Variants in SGIP1 observed in about 807,000 individuals in gnomAD.
The protein encoded by SGIP1 is SH3-containing GRB2-like protein 3-interacting protein 1.
A neutral mutation model predicts 107.5 loss-of-function variants in SGIP1; 38 were observed. That is an observed-to-expected ratio of 0.35 (90% CI 0.27 to 0.46). SGIP1 has a LOEUF of 0.46. Ranked by LOEUF, SGIP1 falls within the 20% of genes least tolerant of loss-of-function variation. SGIP1 has a pLI of 1.00. For synonymous variants in SGIP1, 365 were observed against 366.1 expected (o/e 1.00, Z 0.03); for missense variants, 929 against 1,019.5 (o/e 0.91, Z 1.21).
Position 66,748,224 on chromosome 1 carries a change from C to T in SGIP1, c.*5129C>T, listed in dbSNP as rs1353865963. ...GGCTACCATTAATGTTCCTTTTTGTCAGTGGAGTGTATGGAAGGAAAATGA... is the reference window on the plus strand; with the variant it reads ...GGCTACCATTAATGTTCCTTTTTGTTAGTGGAGTGTATGGAAGGAAAATGA... On this transcript the variant is annotated 3_prime_UTR_variant, in exon 25 of 25. Transcript: ENST00000371037. 2.0e-5 allele frequency: 3 copies of T among 151,740 alleles called. No homozygotes were observed. Among genetic ancestry groups the T allele is most frequent in the Admixed American group, 1.3e-4 (2 of 15,242 alleles). 9.4% of individuals were successfully genotyped at this position (151,740 alleles called of 1,614,324 possible). A position where few individuals can be genotyped will look rare whatever the true frequency, so the allele number is the denominator to read the frequency against.
chr1:66,576,276 T>A (rs1478506532), intron 1 of SGIP1, among the ~76,000 whole-genome samples: 1 of 152,184 alleles, frequency 6.6e-6, no homozygotes, highest in Non-Finnish European at 1.5e-5. Flanking sequence ...GGAAAATCTG[T>A]CTTTCCTGTG....
chr1:66,573,945 T>G (rs536302626), intron 1 of SGIP1, among the ~76,000 whole-genome samples: 1 of 152,286 alleles, frequency 6.6e-6, no homozygotes, highest in East Asian at 1.9e-4. Flanking sequence ...TAAAGCTGGT[T>G]TATTTTTAAG....
rs762153529 is a variant in SGIP1 at position 66,733,900 on chromosome 1, C to G, written c.2031+20C>G. 6.2e-7 allele frequency: 1 copy of G among 1,605,644 alleles called. No homozygotes were observed. Among genetic ancestry groups the G allele is most frequent in the Non-Finnish European group, 8.5e-7 (1 of 1,175,708 alleles). On this transcript the variant is annotated intron_variant, in intron 21 of 24. Coordinates refer to ENST00000371037, the MANE Select transcript of SGIP1 (RefSeq NM_032291.4). Reference sequence around the variant, plus strand: ...TATCAGGTAAGCCTATTTACATGATCGGTATCTCTTCCACATGACATATTT... The same window carrying G: ...TATCAGGTAAGCCTATTTACATGATGGGTATCTCTTCCACATGACATATTT...
At chr1:66,660,886 G>T (rs771650494) in intron 8 of SGIP1, among the ~76,000 whole-genome samples, 1 of 152,198 alleles carries the variant, frequency 6.6e-6, no homozygotes, top group Non-Finnish European at 1.5e-5. Flanking sequence ...TGTTTTATAA[G>T]TTAATTTTTG....
At position 66,741,370 on chromosome 1, in the gene SGIP1, G is replaced by A; in HGVS notation, c.2398G>A (p.Gly800Ser). 6.2e-7 allele frequency: 1 copy of A among 1,611,506 alleles called. No homozygotes were observed. Among genetic ancestry groups the A allele is most frequent in the Non-Finnish European group, 8.5e-7 (1 of 1,178,568 alleles). ...CACAAGTGAAGGAAGCACCCTTTCT[G>A]GCTGTGACATTGAACTTGTTGGAGC... is the stretch of plus-strand genomic sequence containing the variant. ...QFTSEGSTLS[G>S]CDIELVGAGY... is the part of the protein sequence containing the mutation. The change falls in exon 24 of 25, where the codon GGC becomes AGC. Residue 800 changes from glycine (G) to serine (S), a missense_variant. By Grantham distance (56) the Gly-to-Ser change is moderately conservative. Around this residue, in one of 2 missense-constraint regions of SGIP1, gnomAD observed 341 missense variants for 430.9 expected, o/e 0.79. Transcript: ENST00000371037.
At position 66,594,853 on chromosome 1, in the gene SGIP1, G is replaced by A. The variant is rs149237005; in HGVS notation, c.11-30994G>A. Among the ~76,000 whole-genome samples the A allele has an allele frequency of 2.2e-4, 34 of 152,230 alleles. No homozygotes were observed. In the East Asian group the frequency reaches 2.7e-3, roughly 12 times the overall value. ...ATTGTGGGAGACTTAATGAGGTAATGTATAGAAAATGCATTACCACTCTGC... is the reference window on the plus strand; with the variant it reads ...ATTGTGGGAGACTTAATGAGGTAATATATAGAAAATGCATTACCACTCTGC... On this transcript the variant is annotated intron_variant, in intron 1 of 24. Transcript: ENST00000371037.
chr1:66,639,220 A>C (rs1212396268), intron 4 of SGIP1, among the ~76,000 whole-genome samples: 1 of 152,226 alleles, frequency 6.6e-6, no homozygotes, highest in Non-Finnish European at 1.5e-5. Context: ...ATTTGAAAAA[A>C]ACATTATTTT....
chr1:66,689,679 G>A (rs1020608399), intron 16 of SGIP1, among the ~76,000 whole-genome samples: 28 of 152,356 alleles, frequency 1.8e-4, no homozygotes, highest in African/African-American at 6.3e-4. Flanking sequence ...CAGTGAAGGA[G>A]TGGTGGCTTG....
chr1:66,592,798 T>C (rs2063859193), intron 1 of SGIP1, among the ~76,000 whole-genome samples: 1 of 152,112 alleles, frequency 6.6e-6, no homozygotes, highest in Admixed American at 6.5e-5. Context: ...TCTTCATAGT[T>C]TTACTTTTTC....
intron 1 of SGIP1, among the ~76,000 whole-genome samples, chr1:66,557,801 C>G (rs1245699481): frequency 6.6e-6 from 1 of 152,118 alleles, no homozygotes; most frequent in African/African-American, 2.4e-5. Flanking sequence ...TTGTGCCACA[C>G]CTGAAATTAA....
chr1:66,684,815 G>A (rs752390303), intron 15 of SGIP1, among the ~76,000 whole-genome samples: 1 of 152,280 alleles, frequency 6.6e-6, no homozygotes, highest in South Asian at 2.1e-4. Context: ...GTTTTGTTGT[G>A]ATTTTAATGT....
intron 18 of SGIP1, among the ~76,000 whole-genome samples, chr1:66,701,896 A>T (rs180800494): frequency 1.6e-4 from 24 of 152,348 alleles, no homozygotes; most frequent in African/African-American, 4.8e-4. Flanking sequence ...TACAGAATTC[A>T]TGTTAGAATT....
chr1:66,602,793 TA>T (rs1293664061), intron 1 of SGIP1, among the ~76,000 whole-genome samples: 1 of 152,154 alleles, frequency 6.6e-6, no homozygotes, highest in East Asian at 1.9e-4. Flanking sequence ...ACTAGATGTC[TA>T]AAAAGAGAGA....
intron 5 of SGIP1, among the ~76,000 whole-genome samples, chr1:66,641,920 TC>T (rs752972426): frequency 1.4e-4 from 22 of 152,150 alleles, no homozygotes; most frequent in Admixed American, 4.6e-4. Context: ...GAACCAGCAA[TC>T]CATCCTTTCA....
At chr1:66,713,319 T>C (rs2093033270) in intron 18 of SGIP1, among the ~76,000 whole-genome samples, 1 of 152,184 alleles carries the variant, frequency 6.6e-6, no homozygotes, top group Admixed American at 6.5e-5. Context: ...ATAGAAATTT[T>C]CATTGCTACT....
intron 1 of SGIP1, among the ~76,000 whole-genome samples, chr1:66,566,874 CT>C (rs1357728334): frequency 6.6e-6 from 1 of 151,900 alleles, no homozygotes; most frequent in African/African-American, 2.4e-5. Context: ...CCCCCACCCC[CT>C]AACAGGGTCC....
chr1:66,599,680 G>A (rs940037850), intron 1 of SGIP1, among the ~76,000 whole-genome samples: 3 of 152,150 alleles, frequency 2.0e-5, no homozygotes, highest in Non-Finnish European at 4.4e-5. Flanking sequence ...TTGAGTATAC[G>A]AGGAAAATGT....
intron 4 of SGIP1, among the ~76,000 whole-genome samples, chr1:66,639,177 A>C (rs999659056): frequency 5.9e-5 from 9 of 152,218 alleles, no homozygotes; most frequent in African/African-American, 2.2e-4. Flanking sequence ...ATTAATCCTC[A>C]AATTCTATTT....
At chr1:66,599,273 A>T (rs898671449) in intron 1 of SGIP1, among the ~76,000 whole-genome samples, 1 of 152,208 alleles carries the variant, frequency 6.6e-6, no homozygotes, top group Non-Finnish European at 1.5e-5. Context: ...GGCATAGGGG[A>T]GCATATTTCA....
Sources: gnomAD v4.1 joint callset for allele counts (sites outside exome capture counted in the v4.1 genomes callset) on GRCh38, gnomAD v4.1.1 for gene constraint, gnomAD v4.1.1 regional missense constraint, MANE v1.5 for transcripts, NCBI Gene and HGNC (gene_info 2026-07-23, HGNC 2026-07-21) for gene names.